Variants in RPGRIP1 observed in about 807,000 individuals in gnomAD.
The protein encoded by RPGRIP1 is X-linked retinitis pigmentosa GTPase regulator-interacting protein 1.
RPGRIP1 carries 128 observed loss-of-function variants against 157.9 expected under a neutral mutation model. The ratio of observed to expected loss-of-function variants is 0.81; its 90% CI spans 0.70 to 0.94. RPGRIP1 has a LOEUF of 0.94. Ranked by LOEUF, RPGRIP1 falls within the 40% of genes least tolerant of loss-of-function variation. The pLI, the probability that RPGRIP1 is intolerant of heterozygous loss-of-function variation, is 0.00. For missense variants in RPGRIP1, 1,486 were observed against 1,545.8 expected (o/e 0.96, Z 0.65); for synonymous variants, 554 against 571.6 (o/e 0.97, Z 0.44).
In RPGRIP1 at chr14:21,328,506, A is replaced by G. The variant is rs772275645; in HGVS notation, c.2978A>G (p.Lys993Arg). Residue 993 changes from lysine (K) to arginine (R), a missense_variant, in exon 19 of 25, where the codon AAG (lysine) becomes AGG (arginine). By Grantham distance (26) the Lys-to-Arg change is conservative. Transcript: ENST00000400017. ...KRKPPHGGER[K>R]EKEHQVVSYS... is the part of the protein sequence containing the mutation. Reference sequence around the variant, plus strand: ...AAACCTCCTCATGGGGGAGAAAGAAAGGAGAAGGAGCACCAGGTTGTGAGC... The same window carrying G: ...AAACCTCCTCATGGGGGAGAAAGAAGGGAGAAGGAGCACCAGGTTGTGAGC... The G allele has an allele frequency of 1.2e-6, 2 of 1,613,764 alleles. No individual in the cohort carries two copies. The highest frequency in any genetic ancestry group is 1.7e-6 in the Non-Finnish European group (2 of 1,179,806).
intron 11 of RPGRIP1, among the ~76,000 whole-genome samples, chr14:21,319,699 T>C (rs1882195172): frequency 6.6e-6 from 1 of 152,132 alleles, no homozygotes; most frequent in Non-Finnish European, 1.5e-5. Flanking sequence ...GGTGAGATAC[T>C]GGTTTCGATG....
Position 21,302,530 on chromosome 14 carries a change from AG to A in RPGRIP1, c.535del (p.Glu179SerfsTer11), listed in dbSNP as rs751501153. The A allele has an allele frequency of 2.5e-6, 4 of 1,590,876 alleles. No individual in the cohort carries two copies. The East Asian group carries it at 9.0e-5, about 36-fold the overall frequency. On this transcript the variant is annotated frameshift_variant, in exon 5 of 25. Coordinates refer to ENST00000400017, the MANE Select transcript of RPGRIP1 (RefSeq NM_020366.4). LOFTEE classifies it high-confidence loss of function. The stretch of plus-strand genomic sequence containing the variant: ...AGCTACACAGCCCCTCCATCGTTTA[AG>A]GAGCATGCGACAAATGAAAACAGAG... ...RLSYTAPPSFKEHATNENRGE... is the reference protein window; with the variant it reads ...RLSYTAPPSFXEHATNENRGE...
Position 21,334,678 on chromosome 14 carries a change from A to G in RPGRIP1, c.3312A>G (p.Pro1104=), listed in dbSNP as rs776206959. The part of the protein sequence containing the change: ...QTTDSDDVIV[P]PMSQKYPKAD... ...CCGACAGTGATGATGTCATAGTGCC[A>G]CCCATGTCTCAGAAATATCCTAAGG... The change falls in exon 21 of 25, where the codon CCA becomes CCG. Residue 1104 remains proline, a synonymous_variant. Coordinates refer to ENST00000400017, the MANE Select transcript of RPGRIP1 (RefSeq NM_020366.4). The G allele has an allele frequency of 6.2e-7, 1 of 1,606,740 alleles. No homozygotes were observed. Among genetic ancestry groups the G allele is most frequent in the Non-Finnish European group, 8.5e-7 (1 of 1,176,848 alleles).
chr14:21,347,724 GTTTC>G lies in RPGRIP1; in HGVS notation c.3618-444_3618-441del, dbSNP rs1418099372. Among the ~76,000 whole-genome samples the G allele has an allele frequency of 6.6e-5, 10 of 152,104 alleles. No homozygotes were observed. The South Asian group carries it at 1.2e-3, about 19-fold the overall frequency. On this transcript the variant is annotated intron_variant, in intron 23 of 24. Transcript: ENST00000400017. ...GGAGTGACTGCTTAATCAGTACAGG[GTTTC>G]TTTTTCTTTTTTCTTTTAGAGACTG...
chr14:21,337,698 T>C (rs1385677375), intron 21 of RPGRIP1, among the ~76,000 whole-genome samples: 1 of 149,664 alleles, frequency 6.7e-6, no homozygotes, highest in Non-Finnish European at 1.5e-5. Flanking sequence ...CACCTCGGCC[T>C]CCCAAAGTGC....
chr14:21,318,964 T>A (rs962237513), intron 11 of RPGRIP1, among the ~76,000 whole-genome samples: 6 of 152,198 alleles, frequency 3.9e-5, no homozygotes, highest in African/African-American at 1.4e-4. Flanking sequence ...GGAACATTTT[T>A]AAATACTGTC....
Position 21,345,103 on chromosome 14 carries a change from C to T in RPGRIP1, c.3533-10C>T. On this transcript the variant is annotated splice_polypyrimidine_tract_variant and intron_variant, in intron 22 of 24. Coordinates refer to ENST00000400017, the MANE Select transcript of RPGRIP1 (RefSeq NM_020366.4). ...TGATTCTTTGCTTTTTTCTCTTACCCTTAATACAGTAATAGACCTGGACCC... is the reference window on the plus strand; with the variant it reads ...TGATTCTTTGCTTTTTTCTCTTACCTTTAATACAGTAATAGACCTGGACCC... 6.3e-7 allele frequency: 1 copy of T among 1,598,454 alleles called. No individual in the cohort carries two copies. Among genetic ancestry groups the T allele is most frequent in the South Asian group, 1.1e-5 (1 of 90,784 alleles).
At chr14:21,325,668 C>A in intron 16 of RPGRIP1, 163 bp from the exon 17 acceptor site, 1 of 658,698 alleles carries the variant, frequency 1.5e-6, no homozygotes, top group Non-Finnish European at 2.6e-6. Context: ...GAAATAACTG[C>A]CAGAGCCAGT....
At chr14:21,320,583 G>A (rs1054765174) in intron 12 of RPGRIP1, among the ~76,000 whole-genome samples, 6 of 140,994 alleles carry the variant, frequency 4.3e-5, no homozygotes, top group Non-Finnish European at 7.6e-5. Flanking sequence ...AAGCCACCGC[G>A]CCCGGCCCAC....
rs576091504 is a variant in RPGRIP1 at position 21,319,287 on chromosome 14, T to C, written c.1307-730T>C. On this transcript the variant is annotated intron_variant, in intron 11 of 24. Transcript: ENST00000400017. The stretch of plus-strand genomic sequence containing the variant: ...CCTGAAAAACACACACACAGCCTGG[T>C]GTGGTGGCTCATGCCTGTAATCCCA... Among the ~76,000 whole-genome samples, 4 of 152,074 alleles carry C rather than the reference T, an allele frequency of 2.6e-5. No homozygotes were observed. The East Asian group carries it at 7.7e-4, about 29-fold the overall frequency.
At chr14:21,287,808 C>T (rs1331861176) in intron 1 of RPGRIP1, 131 bp from the exon 2 acceptor site, 3 of 525,370 alleles carry the variant, frequency 5.7e-6, no homozygotes, top group Non-Finnish European at 1.0e-5. Flanking sequence ...GTCCACACTA[C>T]CATGAGAATG....
chr14:21,323,315 A>G (rs12589378), intron 14 of RPGRIP1, among the ~76,000 whole-genome samples: 135,205 of 152,006 alleles, frequency 0.89, 60,423 homozygotes, highest in East Asian at 1. Flanking sequence ...CCAGATACTT[A>G]GGAGGCTGAG....
At chr14:21,294,038 G>A (rs1288313018) in intron 2 of RPGRIP1, among the ~76,000 whole-genome samples, 1 of 122,170 alleles carries the variant, frequency 8.2e-6, no homozygotes, top group East Asian at 2.3e-4. Flanking sequence ...GGGTGACAGA[G>A]CGAGACCCTG....
intron 20 of RPGRIP1, 142 bp downstream of exon 20, chr14:21,330,529 G>C: frequency 1.9e-6 from 1 of 520,928 alleles, no homozygotes; most frequent in Non-Finnish European, 3.0e-6. Flanking sequence ...AGCCGGGTAT[G>C]GTGGCAGGCG....
chr14:21,290,155 C>A (rs967086824), intron 2 of RPGRIP1, among the ~76,000 whole-genome samples: 34 of 152,114 alleles, frequency 2.2e-4, no homozygotes, highest in Admixed American at 9.8e-4. Context: ...CCACACCTGG[C>A]CCCTGTTTTT....
Position 21,303,520 on chromosome 14 carries a change from T to C in RPGRIP1, c.777T>C (p.Cys259=). Residue 259 remains cysteine (C), a synonymous_variant, in exon 6 of 25, where the codon TGT becomes TGC. Transcript: ENST00000400017. Reference sequence around the variant, plus strand: ...TTGAACAGAGAAGCTCATTGGAGTGTGCTCAGAAGGCTGCAGAGCTTCGGT... The same window carrying C: ...TTGAACAGAGAAGCTCATTGGAGTGCGCTCAGAAGGCTGCAGAGCTTCGGT... The part of the protein sequence containing the change: ...ENFEQRSSLE[C]AQKAAELRAS... 1.9e-6 allele frequency: 3 copies of C among 1,613,812 alleles called. No homozygotes were observed. Among genetic ancestry groups the C allele is most frequent in the Middle Eastern group, 3.3e-4 (2 of 5,976 alleles).
At chr14:21,290,573 A>C (rs982146453) in intron 2 of RPGRIP1, among the ~76,000 whole-genome samples, 2 of 151,986 alleles carry the variant, frequency 1.3e-5, no homozygotes, top group Non-Finnish European at 2.9e-5. Context: ...GCACTTTGGG[A>C]GGCCGAGGCG....
At chr14:21,284,046 A>G (rs1030260152) in intron 1 of RPGRIP1, among the ~76,000 whole-genome samples, 5 of 152,208 alleles carry the variant, frequency 3.3e-5, no homozygotes, top group Admixed American at 2.6e-4. Context: ...ATTTAAGACT[A>G]TGACATTGGA....
chr14:21,312,038 G>A (rs1181120492), intron 9 of RPGRIP1, 68 bp downstream of exon 9: 1 of 1,385,348 alleles, frequency 7.2e-7, no homozygotes, highest in East Asian at 2.3e-5. Context: ...GTGTATCTTA[G>A]CAACAATATG....
Sources: allele counts gnomAD v4.1 joint callset (sites outside exome capture counted in the v4.1 genomes callset), GRCh38; gene constraint gnomAD v4.1.1; transcripts MANE v1.5; gene names NCBI Gene and HGNC (gene_info 2026-07-23, HGNC 2026-07-21).